Variants in PKHD1L1 observed in about 807,000 individuals in gnomAD.
PKHD1L1 encodes fibrocystin-L.
Under a neutral mutation model 462.9 loss-of-function variants are expected in PKHD1L1, and 434 were observed. That is an observed-to-expected ratio of 0.94 (90% CI 0.87 to 1.02). The LOEUF is 1.02. PKHD1L1 is among the 50% of genes least tolerant of loss of function. The pLI, the probability that PKHD1L1 is intolerant of heterozygous loss-of-function variation, is 0.00. For missense variants in PKHD1L1, 5,202 were observed against 5,096.1 expected (o/e 1.02, Z -0.63); for synonymous variants, 1,781 against 1,750.0 (o/e 1.02, Z -0.44).
chr8:109,493,574 A>G (rs1193028764), intron 62 of PKHD1L1, 87 bp from the exon 63 acceptor site: 12 of 685,754 alleles, frequency 1.7e-5, no homozygotes, highest in Admixed American at 3.6e-5. Context: ...AAAGGTTTTC[A>G]TAAGTGTATT....
In PKHD1L1 at chr8:109,427,081, A is replaced by T; in HGVS notation, c.2925A>T (p.Thr975=). The T allele has an allele frequency of 6.2e-7, 1 of 1,613,980 alleles. No homozygotes were observed. ...AGGGAATGGGAAGAATCTCAGTTAC[A>T]CGAGAGGGAACCTGTGCTGGCTACG... is the stretch of plus-strand genomic sequence containing the variant. ...SLEGMGRISV[T]REGTCAGYAW... is the part of the protein sequence containing the mutation. The change falls in exon 25 of 78, where the codon ACA becomes ACT. Residue 975 remains threonine (T), a synonymous_variant. Coordinates refer to ENST00000378402, the MANE Select transcript of PKHD1L1 (RefSeq NM_177531.6).
In PKHD1L1 at chr8:109,451,072, A is replaced by G; in HGVS notation, c.6273A>G (p.Pro2091=). ...TPFTYAVSLT[P]LITAVSPKRG... is the part of the protein sequence containing the mutation. Reference sequence around the variant, plus strand: ...TTACGTACGCAGTGTCACTGACTCCACTCATCACTGCAGTATCTCCTAAGA... The same window carrying G: ...TTACGTACGCAGTGTCACTGACTCCGCTCATCACTGCAGTATCTCCTAAGA... The change falls in exon 41 of 78, where the codon CCA becomes CCG. Residue 2091 remains proline, a synonymous_variant. Transcript: ENST00000378402. The G allele has an allele frequency of 6.2e-7, 1 of 1,613,612 alleles. No homozygotes were observed. Among genetic ancestry groups the G allele is most frequent in the Non-Finnish European group, 8.5e-7 (1 of 1,179,736 alleles).
In PKHD1L1 at chr8:109,429,337, TAG is replaced by T. The variant is rs1563531791; in HGVS notation, c.3001-1_3001del. On this transcript the variant is annotated splice_acceptor_variant, in intron 25 of 77. Transcript: ENST00000378402. LOFTEE classifies it high-confidence loss of function. ...CTAGTAAAATAATTGTGTGTAAAAA[TAG>T]ATTAATGATTCCAACATTATTGGAG... is the stretch of plus-strand genomic sequence containing the variant. 2 of 1,497,560 alleles carry T rather than the reference TAG, an allele frequency of 1.3e-6. No homozygotes were observed. Among genetic ancestry groups the T allele is most frequent in the Non-Finnish European group, 1.8e-6 (2 of 1,096,404 alleles). The allele number at this position is 1,497,560 out of a possible 1,614,324, so 92.8% of individuals were successfully genotyped here.
intron 50 of PKHD1L1, among the ~76,000 whole-genome samples, chr8:109,473,912 T>C (rs1254041934): frequency 6.6e-6 from 1 of 152,140 alleles, no homozygotes; most frequent in Admixed American, 6.6e-5. Flanking sequence ...CAAACCTCAC[T>C]GAGCAAGCAC....
chr8:109,465,292 TTG>T (rs757429220), intron 49 of PKHD1L1, 47 bp downstream of exon 49: 1 of 1,560,900 alleles, frequency 6.4e-7, no homozygotes, highest in Non-Finnish European at 8.7e-7. Context: ...GGAAATATGT[TTG>T]TGTTAGCACA....
At chr8:109,491,781 T>C in intron 61 of PKHD1L1, 92 bp from the exon 62 acceptor site, 1 of 1,185,096 alleles carries the variant, frequency 8.4e-7, no homozygotes, top group Non-Finnish European at 1.1e-6. Context: ...AATAATTTTA[T>C]GGAAAAATCA....
chr8:109,507,694 G>T lies in PKHD1L1; in HGVS notation c.11026G>T (p.Val3676Phe). 1 of 1,613,360 alleles carries T rather than the reference G, an allele frequency of 6.2e-7. No homozygotes were observed. Among genetic ancestry groups the T allele is most frequent in the Non-Finnish European group, 8.5e-7 (1 of 1,179,562 alleles). Reference protein sequence around the residue: ...KVNPSDCVDMVCDAKRKSFLR... With the variant: ...KVNPSDCVDMFCDAKRKSFLR... ...CAATCCATCTGATTGTGTAGACATG[G>T]TTTGTGATGCCAAGAGGAAATCTTT... The change falls in exon 69 of 78, where the codon GTT becomes TTT. Residue 3676 changes from valine (V) to phenylalanine (F), a missense_variant. Val to Phe is a conservative substitution (Grantham distance 50). Transcript: ENST00000378402.
chr8:109,520,911 C>A (rs181228240), intron 73 of PKHD1L1, among the ~76,000 whole-genome samples: 3 of 152,238 alleles, frequency 2.0e-5, no homozygotes, highest in Admixed American at 6.5e-5. Flanking sequence ...TGCATCAGAC[C>A]TGCCACTCCA....
chr8:109,413,217 C>T (rs1384976728), intron 20 of PKHD1L1, among the ~76,000 whole-genome samples: 3 of 152,042 alleles, frequency 2.0e-5, no homozygotes, highest in Non-Finnish European at 4.4e-5. Flanking sequence ...TGTAAGGTCA[C>T]CTCAACCTCA....
chr8:109,421,709 G>C (rs376721193), intron 23 of PKHD1L1, among the ~76,000 whole-genome samples: 3 of 152,130 alleles, frequency 2.0e-5, no homozygotes, highest in African/African-American at 7.2e-5. Context: ...GCGTGAACCC[G>C]GGAGGCGGAG....
intron 50 of PKHD1L1, among the ~76,000 whole-genome samples, chr8:109,474,210 A>C (rs1817867375): frequency 6.6e-6 from 1 of 152,144 alleles, no homozygotes; most frequent in African/African-American, 2.4e-5. Flanking sequence ...TTTCAGACAG[A>C]TTATTTTATA....
At chr8:109,494,927 T>C (rs1399407480) in intron 63 of PKHD1L1, among the ~76,000 whole-genome samples, 1 of 151,952 alleles carries the variant, frequency 6.6e-6, no homozygotes, top group African/African-American at 2.4e-5. Context: ...AAATGGGACT[T>C]TCTTTGAGAA....
In PKHD1L1 at chr8:109,427,190, T is replaced by C. The variant is rs749520817; in HGVS notation, c.3000+34T>C. ...ATTTGGCTTGGCTTCTCTTTTCTTCTATGTGCTGTTTGCTTATTTGGACCC... is the reference window on the plus strand; with the variant it reads ...ATTTGGCTTGGCTTCTCTTTTCTTCCATGTGCTGTTTGCTTATTTGGACCC... On this transcript the variant is annotated intron_variant, in intron 25 of 77. Transcript: ENST00000378402. 6 of 1,521,630 alleles carry C rather than the reference T, an allele frequency of 3.9e-6. 1 individual carries two copies. The highest frequency in any genetic ancestry group is 3.4e-4 in the Middle Eastern group (2 of 5,914). 94.3% of individuals were successfully genotyped at this position (1,521,630 alleles called of 1,614,324 possible). A position where few individuals can be genotyped will look rare whatever the true frequency, so the allele number is the denominator to read the frequency against.
At chr8:109,483,176 C>A in intron 57 of PKHD1L1, 71 bp downstream of exon 57, 1 of 1,014,540 alleles carries the variant, frequency 9.9e-7, no homozygotes, top group South Asian at 2.3e-5. Flanking sequence ...TTCTATTCTA[C>A]TCTCATGGGC....
intron 22 of PKHD1L1, 135 bp downstream of exon 22, chr8:109,419,395 ATAT>A (rs923235452): frequency 5.3e-5 from 33 of 627,844 alleles, no homozygotes; most frequent in Non-Finnish European, 7.0e-5. Context: ...TATCTGAATA[ATAT>A]TATGATTTTA....
rs372146755 is a variant in PKHD1L1, at chr8:109,427,083, G to A, written c.2927G>A (p.Arg976Gln). ...GGAATGGGAAGAATCTCAGTTACACGAGAGGGAACCTGTGCTGGCTACGCG... is the reference window on the plus strand; with the variant it reads ...GGAATGGGAAGAATCTCAGTTACACAAGAGGGAACCTGTGCTGGCTACGCG... ...LEGMGRISVT[R>Q]EGTCAGYAWN... is the part of the protein sequence containing the mutation. Residue 976 changes from arginine (R) to glutamine (Q), a missense_variant, in exon 25 of 78, where the codon CGA becomes CAA. Physicochemically the swap from Arg to Gln is conservative, Grantham distance 43 (BLOSUM62 1). Transcript: ENST00000378402. 1.7e-4 allele frequency: 276 copies of A among 1,613,852 alleles called. No homozygotes were observed. The highest frequency in any genetic ancestry group is 2.2e-4 in the Non-Finnish European group (263 of 1,179,884).
chr8:109,515,338 A>T, intron 72 of PKHD1L1, 33 bp downstream of exon 72: 2 of 1,388,058 alleles, frequency 1.4e-6, no homozygotes, highest in Non-Finnish European at 1.9e-6. Context: ...GTACACATGG[A>T]AAATGTACTT....
rs1820372928 is a variant in PKHD1L1, at chr8:109,518,256, A to T, written c.11779A>T (p.Thr3927Ser). 6.2e-7 allele frequency: 1 copy of T among 1,611,078 alleles called. No individual in the cohort carries two copies. Among genetic ancestry groups the T allele is most frequent in the Non-Finnish European group, 8.5e-7 (1 of 1,177,656 alleles). The change falls in exon 73 of 78, where the codon ACT (threonine) becomes TCT (serine). Residue 3927 changes from threonine (T) to serine (S), a missense_variant. Thr to Ser is a moderately conservative substitution (Grantham distance 58, BLOSUM62 1). Transcript: ENST00000378402. ...YQMLYLLVKG[T>S]IPVEIHTATV... ...GATGCTTTATCTTTTGGTTAAAGGA[A>T]CTATACCTGTTGAAATTCACACTGC...
chr8:109,398,676 T>G (rs1421547971), intron 12 of PKHD1L1, 128 bp downstream of exon 12: 5 of 408,426 alleles, frequency 1.2e-5, no homozygotes, highest in Non-Finnish European at 2.1e-5. Flanking sequence ...TCCTCCAAGT[T>G]TTAAAATTTA....
Sources: gnomAD v4.1 joint callset for allele counts (sites outside exome capture counted in the v4.1 genomes callset) on GRCh38, gnomAD v4.1.1 for gene constraint, MANE v1.5 for transcripts, NCBI Gene and HGNC (gene_info 2026-07-23, HGNC 2026-07-21) for gene names.